GAD1: variants seen among roughly 807,000 people sequenced by gnomAD.
GAD1 encodes the protein 67 kDa glutamic acid decarboxylase.
GAD1 carries 35 observed loss-of-function variants against 75.2 expected under a neutral mutation model. The ratio of observed to expected loss-of-function variants is 0.47; its 90% CI spans 0.36 to 0.62. The LOEUF is 0.62. Ranked by LOEUF, GAD1 falls within the 20% of genes least tolerant of loss-of-function variation. The pLI, the probability that GAD1 is intolerant of heterozygous loss-of-function variation, is 0.00. For missense variants in GAD1, 490 were observed against 758.5 expected, an observed-to-expected ratio of 0.65 and a Z score of 4.16; for synonymous variants, 257 against 271.9, an observed-to-expected ratio of 0.95 and a Z score of 0.54.
At chr2:170,845,237 A>C in intron 7 of GAD1, 3 of 521,584 alleles carry the variant, frequency 5.8e-6, no homozygotes, top group Non-Finnish European at 1.0e-5. Context: ...ATTTCTGTCT[A>C]GACTTCAGGT....
chr2:170,829,772 C>G lies in GAD1; in HGVS notation c.304+139C>G. The G allele has an allele frequency of 3.2e-6, 3 of 949,310 alleles. No homozygotes were observed. The East Asian group carries it at 7.9e-5, about 25-fold the overall frequency. The allele number at this position is 949,310 out of a possible 1,614,324, so 58.8% of individuals were successfully genotyped here. ...AACCCACATGAAACTGCTTTTGTGA[C>G]TTTGGGGGAATATAATTGACTCCCT... On this transcript the variant is annotated intron_variant, in intron 4 of 16. Coordinates refer to ENST00000358196, the MANE Select transcript of GAD1 (RefSeq NM_000817.3).
chr2:170,854,393 A>C (rs574391173), intron 14 of GAD1, among the ~76,000 whole-genome samples: 139 of 150,194 alleles, frequency 9.3e-4, no homozygotes, highest in African/African-American at 2.5e-3. Context: ...TAGAACCTTG[A>C]ATTCTTTTTT....
At chr2:170,842,802 T>C (rs1702545881) in intron 6 of GAD1, 1 of 1,343,734 alleles carries the variant, frequency 7.4e-7, no homozygotes, top group Admixed American at 2.8e-5. Context: ...TTTACCTCCA[T>C]GTGATTAATT....
chr2:170,814,469 G>C (rs1364079681), upstream of GAD1, among the ~76,000 whole-genome samples: 2 of 152,152 alleles, frequency 1.3e-5, no homozygotes, highest in Non-Finnish European at 2.9e-5. Flanking sequence ...CCAAGAGTTC[G>C]AGTTGGAGGA....
chr2:170,860,617 G>T lies in GAD1; in HGVS notation c.*735G>T, dbSNP rs937425849. 1.3e-5 allele frequency: 2 copies of T among 152,520 alleles called. No individual in the cohort carries two copies. The highest frequency in any genetic ancestry group is 2.9e-5 in the Non-Finnish European group (2 of 68,018). The allele number at this position is 152,520 out of a possible 1,614,324, so 9.4% of individuals were successfully genotyped here. Reference sequence around the variant, plus strand: ...TTCAGAGATGTACCATGTTAAAGAGGCGTCTTGTATTTTCTTCCCATTTGT... The same window carrying T: ...TTCAGAGATGTACCATGTTAAAGAGTCGTCTTGTATTTTCTTCCCATTTGT... On this transcript the variant is annotated 3_prime_UTR_variant, in exon 17 of 17. Coordinates refer to ENST00000358196, the MANE Select transcript of GAD1 (RefSeq NM_000817.3).
intron 5 of GAD1, among the ~76,000 whole-genome samples, chr2:170,834,738 ATAT>A (rs1020943139): frequency 6.6e-6 from 1 of 151,242 alleles, no homozygotes; most frequent in Non-Finnish European, 1.5e-5. Context: ...CCCCAACATA[ATAT>A]TATTGTATCC....
rs190817867 is a variant in GAD1 at position 170,836,728 on chromosome 2, C to T, written c.548-65C>T. 131 of 1,111,684 alleles carry T rather than the reference C, an allele frequency of 1.2e-4. No homozygotes were observed. The East Asian group carries it at 2.3e-3, about 19-fold the overall frequency. 68.9% of individuals were successfully genotyped at this position (1,111,684 alleles called of 1,614,324 possible). Reference sequence around the variant, plus strand: ...ATCAGTGTGACCCAGTGGGGCAGGCCGTTTGCCTTCAAGATAGGTTGAGAA... The same window carrying T: ...ATCAGTGTGACCCAGTGGGGCAGGCTGTTTGCCTTCAAGATAGGTTGAGAA... On this transcript the variant is annotated intron_variant, in intron 5 of 16. Coordinates refer to ENST00000358196, the MANE Select transcript of GAD1 (RefSeq NM_000817.3).
chr2:170,825,605 A>G (rs75782347), intron 3 of GAD1, among the ~76,000 whole-genome samples: 119 of 152,330 alleles, frequency 7.8e-4, no homozygotes, highest in African/African-American at 2.6e-3. Flanking sequence ...GCGCACATGC[A>G]CGCACACATA....
At position 170,822,746 on chromosome 2, in the gene GAD1, C is replaced by T. The variant is rs531665314; in HGVS notation, c.145+597C>T. ...CGGATTCAAGTTTCTTTCTTTGGGG[C>T]TTCGGAGGCTAAAGAAAAGGATTGC... On this transcript the variant is annotated intron_variant, in intron 3 of 16. Transcript: ENST00000358196. 4.6e-5 allele frequency among the ~76,000 whole-genome samples: 7 copies of T among 152,340 alleles called. No individual in the cohort carries two copies. In the East Asian group the frequency reaches 1.4e-3, roughly 29 times the overall value.
rs1417982231 is a variant in GAD1, at chr2:170,831,119, C to T, written c.474C>T (p.Leu158=). ...GCATGGAGGGCTTCAACTTGGAGCT[C>T]TCTGACCACCCCGAGTCCCTGGAGC... The part of the protein sequence containing the change: ...LEGMEGFNLE[L]SDHPESLEQI... Residue 158 remains leucine, a synonymous_variant, in exon 5 of 17, where the codon CTC becomes CTT. Coordinates refer to ENST00000358196, the MANE Select transcript of GAD1 (RefSeq NM_000817.3). The T allele has an allele frequency of 1.2e-6, 2 of 1,614,192 alleles. No individual in the cohort carries two copies. The highest frequency in any genetic ancestry group is 1.7e-6 in the Non-Finnish European group (2 of 1,180,044).
chr2:170,830,895 G>A (rs1702203518), intron 4 of GAD1, 55 bp from the exon 5 acceptor site: 5 of 1,612,752 alleles, frequency 3.1e-6, no homozygotes, highest in East Asian at 2.2e-5. Flanking sequence ...TCTCTGGGCT[G>A]AAGAAATCTA....
chr2:170,829,227 A>G (rs1370602941), intron 3 of GAD1: 1 of 540,610 alleles, frequency 1.8e-6, no homozygotes, highest in Non-Finnish European at 3.3e-6. Flanking sequence ...TTCAGAGAGG[A>G]GAACGGGCTT....
intron 3 of GAD1, among the ~76,000 whole-genome samples, chr2:170,825,555 A>G (rs1352301003): frequency 6.6e-6 from 1 of 152,198 alleles, no homozygotes; most frequent in Non-Finnish European, 1.5e-5. Flanking sequence ...CTTGGCAACA[A>G]CTGGCTGGAG....
intron 3 of GAD1, chr2:170,828,883 C>A (rs1181466703): frequency 1.2e-4 from 24 of 201,016 alleles, no homozygotes; most frequent in Admixed American, 6.2e-4. Flanking sequence ...TTGCTCTCCT[C>A]CCTCTGTGGT....
At position 170,859,844 on chromosome 2, in the gene GAD1, C is replaced by T. The variant is rs1208499139; in HGVS notation, c.1747C>T (p.Leu583Phe). Residue 583 changes from leucine (L) to phenylalanine (F), a missense_variant, in exon 17 of 17, where the codon CTC becomes TTC. This residue lies in a region of GAD1 where 324 missense variants were observed against 523.9 expected (regional missense o/e 0.62). Transcript: ENST00000358196. The part of the protein sequence containing the change: ...PAATQSDIDF[L>F]IEEIERLGQD... Reference sequence around the variant, plus strand: ...CGCTACCCAGTCTGACATTGACTTCCTCATTGAGGAGATAGAAAGACTGGG... The same window carrying T: ...CGCTACCCAGTCTGACATTGACTTCTTCATTGAGGAGATAGAAAGACTGGG... 1 of 1,614,152 alleles carries T rather than the reference C, an allele frequency of 6.2e-7. No individual in the cohort carries two copies. Among genetic ancestry groups the T allele is most frequent in the Non-Finnish European group, 8.5e-7 (1 of 1,180,038 alleles).
chr2:170,835,458 A>G (rs1004000942), intron 5 of GAD1, among the ~76,000 whole-genome samples: 4 of 152,250 alleles, frequency 2.6e-5, no homozygotes, highest in African/African-American at 9.6e-5. Context: ...TTGAAATTCA[A>G]ATTGAAACTA....
intron 3 of GAD1, chr2:170,829,056 T>A (rs1272920071): frequency 3.1e-6 from 1 of 317,716 alleles, no homozygotes; most frequent in Admixed American, 4.6e-5. Context: ...CCTCTCCTCC[T>A]ACCTCTGCTG....
At chr2:170,834,579 T>G (rs1314149181) in intron 5 of GAD1, among the ~76,000 whole-genome samples, 1 of 152,224 alleles carries the variant, frequency 6.6e-6, no homozygotes, top group South Asian at 2.1e-4. Flanking sequence ...TTCGTTGTTC[T>G]TTTTAAAACT....
At chr2:170,849,572 G>T (rs1702706991) in intron 12 of GAD1, among the ~76,000 whole-genome samples, 1 of 152,226 alleles carries the variant, frequency 6.6e-6, no homozygotes, top group Non-Finnish European at 1.5e-5. Flanking sequence ...AGACAGGCCA[G>T]GTGTGGTGGC....
Sources: gnomAD v4.1 joint callset for allele counts (sites outside exome capture counted in the v4.1 genomes callset) on GRCh38, gnomAD v4.1.1 for gene constraint, gnomAD v4.1.1 regional missense constraint, MANE v1.5 for transcripts, NCBI Gene and HGNC (gene_info 2026-07-23, HGNC 2026-07-21) for gene names.